Variants in EPB41L3 observed in about 807,000 individuals in gnomAD.
EPB41L3 encodes erythrocyte membrane protein band 4.1 like 3, also known as band 4.1-like protein 3.
Under a neutral mutation model 127.1 loss-of-function variants are expected in EPB41L3, and 57 were observed. The ratio of observed to expected loss-of-function variants is 0.45; its 90% CI spans 0.36 to 0.56. EPB41L3 has a LOEUF of 0.56. EPB41L3 is among the 20% of genes least tolerant of loss of function. EPB41L3 has a pLI of 0.00. For synonymous variants in EPB41L3, 572 were observed against 549.5 expected, an observed-to-expected ratio of 1.04 and a Z score of -0.57; for missense variants, 1,273 against 1,372.2, an observed-to-expected ratio of 0.93 and a Z score of 1.14.
chr18:5,486,477 A>T (rs1956073871), intron 2 of EPB41L3, among the ~76,000 whole-genome samples: 2 of 152,140 alleles, frequency 1.3e-5, no homozygotes, highest in Non-Finnish European at 2.9e-5. Flanking sequence ...ATCAAAACAA[A>T]AATAGACAAA....
chr18:5,524,528 G>C (rs1178175636), intron 1 of EPB41L3, among the ~76,000 whole-genome samples: 1 of 152,154 alleles, frequency 6.6e-6, no homozygotes, highest in East Asian at 1.9e-4. Flanking sequence ...ACAGCTAACA[G>C]TTGCTTTCCT....
Position 5,434,070 on chromosome 18 carries a change from G to C in EPB41L3, c.657C>G (p.Pro219=). 1 of 1,614,122 alleles carries C rather than the reference G, an allele frequency of 6.2e-7. No individual in the cohort carries two copies. The highest frequency in any genetic ancestry group is 2.2e-5 in the East Asian group (1 of 44,876). The change falls in exon 7 of 23, where the codon CCC becomes CCG. Residue 219 remains proline (P), a synonymous_variant. Transcript: ENST00000341928. ...GCAAGGCCAGGGTAACAAAGGAGCA[G>C]GGCAGCCTTCCGGACACGATGTCAT... The part of the protein sequence containing the change: ...LRDDIVSGRL[P]CSFVTLALLG...
intron 3 of EPB41L3, among the ~76,000 whole-genome samples, chr18:5,579,174 C>T (rs749466317): frequency 2.6e-5 from 4 of 152,124 alleles, no homozygotes; most frequent in Non-Finnish European, 5.9e-5. Context: ...TTTTTAAAAA[C>T]TTAAACACAA....
chr18:5,446,359 C>G (rs2146376797), intron 3 of EPB41L3, among the ~76,000 whole-genome samples: 1 of 152,274 alleles, frequency 6.6e-6, no homozygotes, highest in East Asian at 1.9e-4. Context: ...AAAAAAAATT[C>G]ATCAGCTTAA....
chr18:5,493,646 G>C (rs1455903925), intron 1 of EPB41L3, among the ~76,000 whole-genome samples: 1 of 152,032 alleles, frequency 6.6e-6, no homozygotes, highest in African/African-American at 2.4e-5. Flanking sequence ...CCTGCTGTTG[G>C]TCTCACTTTC....
intron 2 of EPB41L3, among the ~76,000 whole-genome samples, chr18:5,480,393 CTT>C (rs1362986323): frequency 3.3e-5 from 5 of 152,162 alleles, no homozygotes; most frequent in Non-Finnish European, 5.9e-5. Flanking sequence ...TTCTCAATCT[CTT>C]TTAATCCTCA....
chr18:5,586,007 G>T (rs921033862), intron 3 of EPB41L3, among the ~76,000 whole-genome samples: 2 of 152,100 alleles, frequency 1.3e-5, no homozygotes, highest in Admixed American at 6.5e-5. Flanking sequence ...TCAGCCCTAG[G>T]GGCAGTAACA....
chr18:5,572,694 A>G (rs141248217), intron 3 of EPB41L3, among the ~76,000 whole-genome samples: 3,026 of 152,028 alleles, frequency 0.02, 77 homozygotes, highest in African/African-American at 0.063. Flanking sequence ...CTGCCTCAGT[A>G]TCCCAAGTAG....
chr18:5,430,647 C>A (rs1354608074), intron 8 of EPB41L3, among the ~76,000 whole-genome samples: 5 of 151,508 alleles, frequency 3.3e-5, no homozygotes, highest in African/African-American at 1.2e-4. Context: ...ACTGCACCCT[C>A]CACCTCCAGG....
chr18:5,500,803 AC>A (rs2091677035), intron 1 of EPB41L3, among the ~76,000 whole-genome samples: 1 of 152,238 alleles, frequency 6.6e-6, no homozygotes, highest in South Asian at 2.1e-4. Flanking sequence ...ACAGTACAGT[AC>A]TTATTTCTAG....
intron 3 of EPB41L3, among the ~76,000 whole-genome samples, chr18:5,591,342 C>T (rs922193153): frequency 8.7e-5 from 11 of 126,206 alleles, no homozygotes; most frequent in Admixed American, 2.4e-4. Flanking sequence ...CAAGAGCAAG[C>T]GCCATCAGAT....
chr18:5,431,354 G>C (rs1481968651), intron 8 of EPB41L3: 1 of 152,210 alleles, frequency 6.6e-6, no homozygotes, highest in East Asian at 1.9e-4. Context: ...ATTTGTTTCA[G>C]TAAATTTGCT....
chr18:5,584,165 G>T (rs1359744580), intron 3 of EPB41L3, among the ~76,000 whole-genome samples: 1 of 152,098 alleles, frequency 6.6e-6, no homozygotes, highest in East Asian at 1.9e-4. Flanking sequence ...TTTGATGTAT[G>T]GGTTCTCTAC....
At position 5,416,288 on chromosome 18, in the gene EPB41L3, T is replaced by C; in HGVS notation, c.1597A>G (p.Lys533Glu). 1 of 1,614,040 alleles carries C rather than the reference T, an allele frequency of 6.2e-7. No homozygotes were observed. Among genetic ancestry groups the C allele is most frequent in the Non-Finnish European group, 8.5e-7 (1 of 1,180,012 alleles). ...TSPTELRRRC[K>E]ENDCKLPGYE... ...CCTGGCAGTTTGCAGTCATTCTCCT[T>C]ACACCTCCTACGGAGCTCTGTGGGA... The change falls in exon 13 of 23, where the codon AAG becomes GAG. Residue 533 changes from lysine to glutamate, a missense_variant. Lys to Glu is a moderately conservative substitution (Grantham distance 56). Transcript: ENST00000341928.
chr18:5,580,079 G>A (rs2094377174), intron 3 of EPB41L3, among the ~76,000 whole-genome samples: 2 of 152,154 alleles, frequency 1.3e-5, no homozygotes, highest in South Asian at 2.1e-4. Context: ...ATGAAAGATG[G>A]CTGGCTCTCT....
At chr18:5,523,891 G>C (rs1414438529) in intron 1 of EPB41L3, among the ~76,000 whole-genome samples, 1 of 151,830 alleles carries the variant, frequency 6.6e-6, no homozygotes, top group Non-Finnish European at 1.5e-5. Context: ...AATTCCAAAA[G>C]TAATAGATCT....
In EPB41L3 at chr18:5,414,141, C is replaced by T. The variant is rs552484253; in HGVS notation, c.2067+1677G>A. On this transcript the variant is annotated intron_variant, in intron 13 of 22. Transcript: ENST00000341928. ...AATATATCTCCATGTTAGAAATCAGCTAATAAATAATAACATTGTATTTGT... is the reference window on the plus strand; with the variant it reads ...AATATATCTCCATGTTAGAAATCAGTTAATAAATAATAACATTGTATTTGT... Among the ~76,000 whole-genome samples the T allele has an allele frequency of 1.8e-4, 27 of 152,262 alleles. 2 individuals are homozygous for T. The South Asian group carries it at 5.2e-3, about 29-fold the overall frequency.
At chr18:5,559,073 T>C (rs1289588589) in intron 3 of EPB41L3, among the ~76,000 whole-genome samples, 1 of 151,924 alleles carries the variant, frequency 6.6e-6, no homozygotes, top group Non-Finnish European at 1.5e-5. Flanking sequence ...TAATTTGGCA[T>C]GTGCTCCTTA....
chr18:5,517,293 G>A (rs141519820), intron 1 of EPB41L3, among the ~76,000 whole-genome samples: 63 of 152,136 alleles, frequency 4.1e-4, no homozygotes, highest in African/African-American at 1.4e-3. Context: ...TCCCGCTTAC[G>A]TTCCTGGAGC....
Sources: gnomAD v4.1 joint callset for allele counts (sites outside exome capture counted in the v4.1 genomes callset) on GRCh38, gnomAD v4.1.1 for gene constraint, MANE v1.5 for transcripts, NCBI Gene and HGNC (gene_info 2026-07-23, HGNC 2026-07-21) for gene names.